Variants in MTFMT observed in about 807,000 individuals in gnomAD.
MTFMT encodes mitochondrial methionyl-tRNA formyltransferase.
Under a neutral mutation model 51.8 loss-of-function variants are expected in MTFMT, and 47 were observed. The observed-to-expected ratio is 0.91, with a 90% CI of 0.72 to 1.16. MTFMT has a LOEUF of 1.16. Among genes scored for constraint, MTFMT ranks in the 50% most tolerant of loss-of-function variants. MTFMT has a pLI of 0.00. For synonymous variants in MTFMT, 196 were observed against 176.7 expected (o/e 1.11, Z -0.87); for missense variants, 512 against 482.3 (o/e 1.06, Z -0.58).
At chr15:65,013,364 C>T (rs1313112462) in intron 6 of MTFMT, among the ~76,000 whole-genome samples, 1 of 151,844 alleles carries the variant, frequency 6.6e-6, no homozygotes, top group Admixed American at 6.6e-5. Flanking sequence ...AATCCTCCCG[C>T]TCAGCCTCCA....
At chr15:65,009,773 C>A (rs1406863967) in intron 6 of MTFMT, among the ~76,000 whole-genome samples, 3 of 152,138 alleles carry the variant, frequency 2.0e-5, no homozygotes, top group Admixed American at 6.6e-5. Flanking sequence ...CCTACCTCAG[C>A]CTCCCGAGTA....
intron 6 of MTFMT, among the ~76,000 whole-genome samples, chr15:65,006,656 G>GT (rs1386945259): frequency 6.6e-6 from 1 of 152,104 alleles, no homozygotes; most frequent in Non-Finnish European, 1.5e-5. Flanking sequence ...GATTACAGGC[G>GT]TGAGCCACCG....
At chr15:65,025,587 C>T (rs2086416009) in intron 2 of MTFMT, among the ~76,000 whole-genome samples, 2 of 151,992 alleles carry the variant, frequency 1.3e-5, no homozygotes. Context: ...GAAGGCAGAG[C>T]CAATAGGATT....
chr15:65,005,610 T>A (rs2086214682), intron 7 of MTFMT, among the ~76,000 whole-genome samples: 1 of 468 alleles, frequency 2.1e-3, no homozygotes, highest in African/African-American at 3.4e-3. Flanking sequence ...CTGTAATGAT[T>A]TTTTTTTTTT....
In MTFMT at chr15:65,028,768, T is replaced by C. The variant is rs77228443; in HGVS notation, c.209+637A>G. Among the ~76,000 whole-genome samples the C allele has an allele frequency of 2.0e-3, 312 of 152,332 alleles. 1 individual carries two copies. Among genetic ancestry groups the C allele is most frequent in the African/African-American group, 7.1e-3 (297 of 41,576 alleles). On this transcript the variant is annotated intron_variant, in intron 1 of 8. Coordinates refer to ENST00000220058, the MANE Select transcript of MTFMT (RefSeq NM_139242.4). Reference sequence around the variant, plus strand: ...ACATACCATGGACTCTCAGGACTGGTTGGATTTCAAATAATTTTCTTTCCC... The same window carrying C: ...ACATACCATGGACTCTCAGGACTGGCTGGATTTCAAATAATTTTCTTTCCC...
chr15:65,027,811 A>G (rs1161772711), intron 1 of MTFMT, among the ~76,000 whole-genome samples: 1 of 152,228 alleles, frequency 6.6e-6, no homozygotes, highest in Non-Finnish European at 1.5e-5. Context: ...GGAACTGCTA[A>G]ACAGAGGTGG....
intron 5 of MTFMT, 59 bp downstream of exon 5, chr15:65,020,138 A>T (rs1159379152): frequency 2.0e-6 from 3 of 1,477,166 alleles, no homozygotes; most frequent in East Asian, 4.5e-5. Flanking sequence ...GAATGTTCAG[A>T]TGCTATCGTG....
intron 6 of MTFMT, among the ~76,000 whole-genome samples, chr15:65,010,016 A>G (rs2086250496): frequency 6.6e-6 from 1 of 152,048 alleles, no homozygotes; most frequent in Non-Finnish European, 1.5e-5. Context: ...TTAAGAATGT[A>G]CATACCTAAT....
intron 6 of MTFMT, among the ~76,000 whole-genome samples, chr15:65,008,066 A>T (rs998732800): frequency 2.0e-5 from 3 of 152,052 alleles, no homozygotes; most frequent in Non-Finnish European, 4.4e-5. Context: ...AGTCCTTGTG[A>T]TTTTACTTTT....
chr15:65,021,603 G>A lies in MTFMT; in HGVS notation c.556C>T (p.Pro186Ser), dbSNP rs763123077. 4.3e-5 allele frequency: 68 copies of A among 1,576,110 alleles called. No homozygotes were observed. Among genetic ancestry groups the A allele is most frequent in the Non-Finnish European group, 5.7e-5 (66 of 1,153,092 alleles). ...GGAACAGTTTCTTGTTTGAGAATTG[G>A]GCCTACATCAAACCTAGCAAAAAAT... Reference protein sequence around the residue: ...QIRPKRFDVGPILKQETVPVP... With the variant: ...QIRPKRFDVGSILKQETVPVP... The change falls in exon 4 of 9, where the codon CCA (proline) becomes TCA (serine). Residue 186 changes from proline (P) to serine (S), a missense_variant. Transcript: ENST00000220058.
Position 65,029,596 on chromosome 15 carries a change from C to A in MTFMT, c.18G>T (p.Arg6=), listed in dbSNP as rs1480256934. The A allele has an allele frequency of 4.6e-5, 67 of 1,460,358 alleles. No homozygotes were observed. Among genetic ancestry groups the A allele is most frequent in the Non-Finnish European group, 5.9e-5 (65 of 1,103,538 alleles). 90.5% of individuals were successfully genotyped at this position (1,460,358 alleles called of 1,614,324 possible). MRVLV[R]RCWGPPLAHG... is the part of the protein sequence containing the mutation. The stretch of plus-strand genomic sequence containing the variant: ...GAGCCAGCGGAGGACCCCAACAGCG[C>A]CGCACCAACACCCTCATCGCCTCGG... The change falls in exon 1 of 9, where the codon CGG becomes CGT. Residue 6 remains arginine (R), a synonymous_variant. Coordinates refer to ENST00000220058, the MANE Select transcript of MTFMT (RefSeq NM_139242.4).
intron 8 of MTFMT, among the ~76,000 whole-genome samples, chr15:65,003,962 T>C (rs990210966): frequency 6.6e-6 from 1 of 151,354 alleles, no homozygotes; most frequent in African/African-American, 2.4e-5. Flanking sequence ...GAGAGGTTGA[T>C]GGAGTTTTGT....
chr15:65,023,908 C>G, intron 2 of MTFMT, 114 bp from the exon 3 acceptor site: 1 of 964,854 alleles, frequency 1.0e-6, no homozygotes, highest in Non-Finnish European at 1.5e-6. Flanking sequence ...TTTGGAAAAA[C>G]TGACAGTTAA....
chr15:65,026,583 C>A, intron 2 of MTFMT: 1 of 435,642 alleles, frequency 2.3e-6, no homozygotes, highest in Non-Finnish European at 4.1e-6. Flanking sequence ...CTATTGTGTT[C>A]CAGACTGTGT....
chr15:65,029,516 C>A lies in MTFMT; in HGVS notation c.98G>T (p.Gly33Val), dbSNP rs748428182. 1.3e-6 allele frequency: 2 copies of A among 1,529,774 alleles called. No individual in the cohort carries two copies. The highest frequency in any genetic ancestry group is 1.8e-6 in the Non-Finnish European group (2 of 1,140,338). The allele number at this position is 1,529,774 out of a possible 1,614,324, so 94.8% of individuals were successfully genotyped here. A position where few individuals can be genotyped will look rare whatever the true frequency, so the allele number is the denominator to read the frequency against. ...TCTGGAGTCCCGGCAGTCCTCCCAG[C>A]CGAGTCGGGCCAGTGCTCGCCACTG... ...SPQWRALARL[G>V]WEDCRDSRVR... is the part of the protein sequence containing the mutation. Residue 33 changes from glycine to valine, a missense_variant, in exon 1 of 9, where the codon GGC becomes GTC. Transcript: ENST00000220058.
rs557860832 is a variant in MTFMT at position 65,014,824 on chromosome 15, G to A, written c.813+1612C>T. ...TTTGTGTGTTTTTAGTAGAGACAGG[G>A]TTTCACTATGTTGGCCAGGCTGGTC... On this transcript the variant is annotated intron_variant, in intron 6 of 8. Coordinates refer to ENST00000220058, the MANE Select transcript of MTFMT (RefSeq NM_139242.4). 2.0e-5 allele frequency among the ~76,000 whole-genome samples: 3 copies of A among 150,684 alleles called. No homozygotes were observed. The South Asian group carries it at 6.3e-4, about 32-fold the overall frequency.
intron 1 of MTFMT, among the ~76,000 whole-genome samples, chr15:65,027,877 A>G (rs1243183199): frequency 3.3e-5 from 5 of 152,202 alleles, no homozygotes; most frequent in African/African-American, 1.2e-4. Flanking sequence ...TTTTACCATA[A>G]CCATGATGCC....
intron 6 of MTFMT, among the ~76,000 whole-genome samples, chr15:65,006,400 C>T (rs1377284522): frequency 7.3e-6 from 1 of 137,234 alleles, no homozygotes; most frequent in Non-Finnish European, 1.5e-5. Context: ...TTTTTTGAGA[C>T]GGAGTCTCGT....
At chr15:65,025,198 C>G (rs1277246243) in intron 2 of MTFMT, among the ~76,000 whole-genome samples, 2 of 143,326 alleles carry the variant, frequency 1.4e-5, no homozygotes, top group South Asian at 4.3e-4. Flanking sequence ...AGTTTGGGAC[C>G]AGGTTGGGCC....
Sources: gnomAD v4.1 joint callset for allele counts (sites outside exome capture counted in the v4.1 genomes callset) on GRCh38, gnomAD v4.1.1 for gene constraint, MANE v1.5 for transcripts, NCBI Gene and HGNC (gene_info 2026-07-23, HGNC 2026-07-21) for gene names.